The following DYSF variants were observed in gnomAD, a reference collection of about 807,000 sequenced individuals.
DYSF encodes dystrophy-associated fer-1-like 1.
In DYSF, 212 loss-of-function variants were observed where a neutral mutation model predicts 274.9. That is an observed-to-expected ratio of 0.77 (90% CI 0.69 to 0.86). The LOEUF is 0.86. Ranked by LOEUF, DYSF falls within the 40% of genes least tolerant of loss-of-function variation. DYSF has a pLI of 0.00. For missense variants in DYSF, 2,666 were observed against 2,783.2 expected (o/e 0.96, Z 0.95); for synonymous variants, 1,091 against 1,078.7 (o/e 1.01, Z -0.22).
intron 55 of DYSF, among the ~76,000 whole-genome samples, chr2:71,685,713 G>A: frequency 6.6e-6 from 1 of 152,228 alleles, no homozygotes; most frequent in East Asian, 1.9e-4. Flanking sequence ...GGCCAGCGTG[G>A]GGAGGCAGGA....
chr2:71,476,377 C>G (rs566466663), intron 1 of DYSF, among the ~76,000 whole-genome samples: 1 of 151,898 alleles, frequency 6.6e-6, no homozygotes, highest in Non-Finnish European at 1.5e-5. Flanking sequence ...CATGGTCAGG[C>G]TAAAAATACA....
At chr2:71,618,250 TGGCGTGTGTGGTAGA>T (rs2093965086) in intron 40 of DYSF, among the ~76,000 whole-genome samples, 1 of 30,904 alleles carries the variant, frequency 3.2e-5, no homozygotes, top group African/African-American at 1.3e-4. Context: ...GTGGTAGAGG[TGGCGTGTGTGGTAGA>T]GGTGTGTGTG....
intron 17 of DYSF, among the ~76,000 whole-genome samples, chr2:71,544,961 C>T (rs549765954): frequency 1.7e-4 from 26 of 152,156 alleles, no homozygotes; most frequent in African/African-American, 3.9e-4. Context: ...TCCTGGCAGG[C>T]GACAAACAAA....
At chr2:71,620,171 G>A (rs1335570544) in intron 40 of DYSF, among the ~76,000 whole-genome samples, 1 of 152,164 alleles carries the variant, frequency 6.6e-6, no homozygotes, top group Non-Finnish European at 1.5e-5. Context: ...CCTGAAATAG[G>A]CAGATTTTGG....
rs904842955 is a variant in DYSF, at chr2:71,614,048, A to G, written c.4464+638A>G. ...GGGCCAGCCTGTGATGCAGATGCCAATGCCACAGAGCATGGCAGGAGGTCT... is the reference window on the plus strand; with the variant it reads ...GGGCCAGCCTGTGATGCAGATGCCAGTGCCACAGAGCATGGCAGGAGGTCT... On this transcript the variant is annotated intron_variant, in intron 40 of 55. Coordinates refer to ENST00000410020, the MANE Select transcript of DYSF (RefSeq NM_001130987.2). Among the ~76,000 whole-genome samples the G allele has an allele frequency of 7.9e-5, 12 of 152,168 alleles. No individual in the cohort carries two copies. In the South Asian group the frequency reaches 1.0e-3, roughly 13 times the overall value.
chr2:71,538,713 C>T (rs367586383), intron 16 of DYSF, among the ~76,000 whole-genome samples: 2 of 152,232 alleles, frequency 1.3e-5, no homozygotes, highest in South Asian at 2.1e-4. Flanking sequence ...GAGATAGTTT[C>T]TTCCTGGTCA....
chr2:71,553,560 C>T (rs778823441), intron 20 of DYSF, among the ~76,000 whole-genome samples: 9 of 152,164 alleles, frequency 5.9e-5, no homozygotes, highest in Non-Finnish European at 1.2e-4. Flanking sequence ...GCTGTCTGCT[C>T]AACTCACGAA....
At chr2:71,625,215 G>A (rs893303354) in intron 41 of DYSF, among the ~76,000 whole-genome samples, 2 of 151,694 alleles carry the variant, frequency 1.3e-5, no homozygotes, top group African/African-American at 4.8e-5. Context: ...AGATATCTTG[G>A]GTTATCACTT....
intron 42 of DYSF, among the ~76,000 whole-genome samples, chr2:71,645,075 C>A (rs973671108): frequency 6.6e-6 from 1 of 152,140 alleles, no homozygotes; most frequent in Non-Finnish European, 1.5e-5. Context: ...ACAGCTGAAG[C>A]CCCAGTGGAT....
intron 42 of DYSF, among the ~76,000 whole-genome samples, chr2:71,648,703 T>A (rs774642229): frequency 2.0e-5 from 3 of 152,194 alleles, no homozygotes; most frequent in African/African-American, 7.2e-5. Flanking sequence ...ACTTTAGAGA[T>A]AAAGAAATAA....
intron 3 of DYSF, among the ~76,000 whole-genome samples, chr2:71,495,015 G>A (rs1325995967): frequency 1.3e-5 from 2 of 152,210 alleles, no homozygotes; most frequent in Admixed American, 6.5e-5. Context: ...AGAAGCACAG[G>A]AACATGGTGA....
chr2:71,620,690 G>A, intron 41 of DYSF, 81 bp downstream of exon 41: 1 of 1,356,446 alleles, frequency 7.4e-7, no homozygotes, highest in South Asian at 1.3e-5. Context: ...GGAAATGGGA[G>A]GGGAGAGTGG....
intron 3 of DYSF, among the ~76,000 whole-genome samples, chr2:71,497,272 A>G (rs1324430395): frequency 6.6e-6 from 1 of 150,946 alleles, no homozygotes; most frequent in Non-Finnish European, 1.5e-5. Context: ...CAGAGGCTAG[A>G]GTTTTTAAAG....
At chr2:71,661,738 C>T (rs941599856) in intron 45 of DYSF, among the ~76,000 whole-genome samples, 11 of 152,126 alleles carry the variant, frequency 7.2e-5, no homozygotes, top group African/African-American at 2.4e-4. Context: ...CCTACTGTTC[C>T]GATGTCATCA....
intron 12 of DYSF, among the ~76,000 whole-genome samples, chr2:71,522,138 AC>A (rs2087348285): frequency 6.6e-6 from 1 of 151,676 alleles, no homozygotes; most frequent in Admixed American, 6.6e-5. Context: ...CATGATCTGT[AC>A]CAGGCTCAAG....
intron 1 of DYSF, among the ~76,000 whole-genome samples, chr2:71,475,858 T>C (rs1241662867): frequency 2.0e-5 from 3 of 152,168 alleles, no homozygotes; most frequent in African/African-American, 7.2e-5. Flanking sequence ...AGCCTCAAAC[T>C]CCTGGGCTCA....
In DYSF at chr2:71,669,645, G is replaced by A. The variant is rs758389756; in HGVS notation, c.5683G>A (p.Val1895Met). ...TGAAGAACACAAGCAAAAGACAGAC[G>A]TGCATTATCGTTCCCTGGGAGGTGA... ...GFEEHKQKTD[V>M]HYRSLGGEGN... The change falls in exon 51 of 56, where the codon GTG (valine) becomes ATG (methionine). Residue 1895 changes from valine (V) to methionine (M), a missense_variant. This residue lies in a region of DYSF where 1,460 missense variants were observed against 1,502.1 expected (regional missense o/e 0.97). Coordinates refer to ENST00000410020, the MANE Select transcript of DYSF (RefSeq NM_001130987.2). 8.7e-6 allele frequency: 14 copies of A among 1,614,074 alleles called. No homozygotes were observed. In the Admixed American group the frequency reaches 1.2e-4, roughly 13 times the overall value.
chr2:71,542,865 C>G (rs954259956), intron 17 of DYSF, among the ~76,000 whole-genome samples: 4 of 152,254 alleles, frequency 2.6e-5, no homozygotes, highest in African/African-American at 9.6e-5. Flanking sequence ...TCATCATGGC[C>G]CGTTCCCAAT....
intron 21 of DYSF, among the ~76,000 whole-genome samples, 157 bp from the exon 22 acceptor site, chr2:71,555,808 G>T (rs895262873): frequency 6.6e-6 from 1 of 152,214 alleles, no homozygotes; most frequent in Non-Finnish European, 1.5e-5. Flanking sequence ...CTTGAGCCAG[G>T]ATAGACCCTG....
Sources: allele counts gnomAD v4.1 joint callset (sites outside exome capture counted in the v4.1 genomes callset), GRCh38; gene constraint gnomAD v4.1.1; regional missense constraint gnomAD v4.1.1; transcripts MANE v1.5; gene names NCBI Gene and HGNC (gene_info 2026-07-23, HGNC 2026-07-21).